The following GPC6 variants were observed in gnomAD, a reference collection of about 807,000 sequenced individuals.
GPC6 encodes glypican-6.
In GPC6, 14 loss-of-function variants were observed where a neutral mutation model predicts 55.2. The observed-to-expected ratio is 0.25, with a 90% CI of 0.17 to 0.40. The LOEUF (loss-of-function observed/expected upper bound fraction) is 0.40. Among genes scored for constraint, GPC6 ranks in the 10% least tolerant of loss-of-function variants. GPC6 has a pLI of 1.00. For synonymous variants in GPC6, 278 were observed against 259.6 expected, an observed-to-expected ratio of 1.07 and a Z score of -0.68; for missense variants, 641 against 708.5, an observed-to-expected ratio of 0.90 and a Z score of 1.08.
chr13:93,364,509 T>C (rs1881169018), intron 1 of GPC6, among the ~76,000 whole-genome samples: 1 of 152,018 alleles, frequency 6.6e-6, no homozygotes, highest in Non-Finnish European at 1.5e-5. Context: ...TATGTTGCTG[T>C]GGTGTGTCAT....
Position 93,352,544 on chromosome 13 carries a change from G to A in GPC6, c.160+124928G>A, listed in dbSNP as rs115219533. Among the ~76,000 whole-genome samples, 1,202 of 152,164 alleles carry A rather than the reference G, an allele frequency of 7.9e-3. 18 individuals carry two copies. Among genetic ancestry groups the A allele is most frequent in the African/African-American group, 0.028 (1,157 of 41,512 alleles). On this transcript the variant is annotated intron_variant, in intron 1 of 8. Coordinates refer to ENST00000377047, the MANE Select transcript of GPC6 (RefSeq NM_005708.5). The stretch of plus-strand genomic sequence containing the variant: ...TTTGAAGTGCTTGAGCAGATGATGC[G>A]GATGTCTGGGGAAAAATCATTCCAG...
At chr13:93,838,238 G>A (rs185984256) in intron 3 of GPC6, among the ~76,000 whole-genome samples, 1 of 152,300 alleles carries the variant, frequency 6.6e-6, no homozygotes, top group East Asian at 1.9e-4. Context: ...AAAAGTCCAA[G>A]TGTAGTGTAA....
intron 4 of GPC6, among the ~76,000 whole-genome samples, chr13:94,077,985 A>T (rs1438795738): frequency 6.6e-6 from 1 of 151,906 alleles, no homozygotes; most frequent in Non-Finnish European, 1.5e-5. Flanking sequence ...TGCATGCGGA[A>T]CATTCTTCAA....
intron 2 of GPC6, among the ~76,000 whole-genome samples, chr13:93,748,204 C>T (rs1884466078): frequency 6.6e-6 from 1 of 151,984 alleles, no homozygotes; most frequent in Non-Finnish European, 1.5e-5. Context: ...TGTTGAATTT[C>T]TTATTTTTAG....
At chr13:93,306,525 C>A (rs1311607692) in intron 1 of GPC6, among the ~76,000 whole-genome samples, 1 of 151,974 alleles carries the variant, frequency 6.6e-6, no homozygotes, top group Admixed American at 6.6e-5. Context: ...AATATAATCA[C>A]TAAATCTTAA....
At chr13:93,884,044 A>C (rs1174252640) in intron 3 of GPC6, among the ~76,000 whole-genome samples, 5 of 152,110 alleles carry the variant, frequency 3.3e-5, no homozygotes, top group Non-Finnish European at 1.5e-5. Context: ...GTCCACAGCT[A>C]TGTATTCGAC....
intron 3 of GPC6, among the ~76,000 whole-genome samples, chr13:94,023,148 G>A (rs556015414): frequency 7.9e-5 from 12 of 151,966 alleles, no homozygotes; most frequent in Non-Finnish European, 1.3e-4. Context: ...ATTTTTTTCA[G>A]TAATTTTTTT....
chr13:93,757,540 A>T (rs1884816631), intron 2 of GPC6, among the ~76,000 whole-genome samples: 1 of 152,184 alleles, frequency 6.6e-6, no homozygotes, highest in African/African-American at 2.4e-5. Flanking sequence ...AGAGGATTAG[A>T]GCAAAATAAC....
intron 1 of GPC6, among the ~76,000 whole-genome samples, chr13:93,242,263 A>G (rs996214257): frequency 2.6e-5 from 4 of 152,148 alleles, no homozygotes; most frequent in Non-Finnish European, 5.9e-5. Flanking sequence ...TGAGGTCTTC[A>G]TAGGTGAAAG....
chr13:93,921,210 C>T (rs891070909), intron 3 of GPC6, among the ~76,000 whole-genome samples: 2 of 152,174 alleles, frequency 1.3e-5, no homozygotes, highest in Non-Finnish European at 2.9e-5. Context: ...GGAGGATGAA[C>T]ATACAGACAG....
intron 4 of GPC6, among the ~76,000 whole-genome samples, chr13:94,193,277 G>A (rs1385202257): frequency 2.0e-5 from 3 of 152,180 alleles, no homozygotes; most frequent in African/African-American, 7.2e-5. Context: ...GTGGAGCTAT[G>A]TCACCATAGG....
intron 2 of GPC6, among the ~76,000 whole-genome samples, chr13:93,803,344 A>G (rs1274357477): frequency 6.6e-6 from 1 of 152,216 alleles, no homozygotes; most frequent in Non-Finnish European, 1.5e-5. Flanking sequence ...GAAATATGTT[A>G]TCTTATCCAG....
chr13:93,756,476 A>G (rs1884774833), intron 2 of GPC6, among the ~76,000 whole-genome samples: 1 of 152,116 alleles, frequency 6.6e-6, no homozygotes, highest in Non-Finnish European at 1.5e-5. Context: ...CAAAATGGCC[A>G]CCATATAATT....
chr13:93,874,512 A>G (rs1889227964), intron 3 of GPC6, among the ~76,000 whole-genome samples: 1 of 150,994 alleles, frequency 6.6e-6, no homozygotes, highest in Admixed American at 6.6e-5. Flanking sequence ...GTCATGTTTT[A>G]AAGTTAGCAT....
chr13:94,398,230 T>C (rs573966390), intron 7 of GPC6, among the ~76,000 whole-genome samples: 63 of 148,528 alleles, frequency 4.2e-4, no homozygotes, highest in African/African-American at 1.5e-3. Flanking sequence ...AAGAACTCAG[T>C]GCCATTTAAA....
intron 1 of GPC6, among the ~76,000 whole-genome samples, chr13:93,509,834 T>G (rs1225993732): frequency 6.6e-6 from 1 of 152,212 alleles, no homozygotes; most frequent in Non-Finnish European, 1.5e-5. Flanking sequence ...CTTTAGGAAA[T>G]TGCCTACTTT....
intron 1 of GPC6, among the ~76,000 whole-genome samples, chr13:93,239,007 A>T (rs1042984310): frequency 1.3e-5 from 2 of 151,722 alleles, no homozygotes; most frequent in African/African-American, 4.8e-5. Flanking sequence ...TTTGTTGAGG[A>T]CTTTTGCATC....
intron 4 of GPC6, among the ~76,000 whole-genome samples, chr13:94,259,845 T>C (rs1226354409): frequency 6.6e-6 from 1 of 152,216 alleles, no homozygotes; most frequent in Non-Finnish European, 1.5e-5. Context: ...AATCTTATGA[T>C]TTTTATGGTT....
At chr13:93,645,826 T>C (rs1217687996) in intron 2 of GPC6, among the ~76,000 whole-genome samples, 2 of 152,156 alleles carry the variant, frequency 1.3e-5, no homozygotes, top group East Asian at 3.9e-4. Flanking sequence ...TATGTCTTAC[T>C]GTAGAGTGTC....
Sources: gnomAD v4.1 joint callset for allele counts (sites outside exome capture counted in the v4.1 genomes callset) on GRCh38, gnomAD v4.1.1 for gene constraint, MANE v1.5 for transcripts, NCBI Gene and HGNC (gene_info 2026-07-23, HGNC 2026-07-21) for gene names.